TOP6BL: variants seen among roughly 807,000 people sequenced by gnomAD.
TOP6BL encodes type 2 DNA topoisomerase 6 subunit B-like.
the TOP6BL span, among the ~76,000 whole-genome samples, chr11:66,790,874 A>G: frequency 1.3e-5 from 2 of 152,182 alleles, no homozygotes; most frequent in African/African-American, 4.8e-5. Flanking sequence ...AGCATTTGGC[A>G]TACAGAGGAA....
the TOP6BL span, among the ~76,000 whole-genome samples, chr11:66,790,524 A>T: frequency 1.3e-5 from 2 of 152,190 alleles, no homozygotes; most frequent in Non-Finnish European, 2.9e-5. Flanking sequence ...GGAAGTTGTT[A>T]TCAGAGTGAT....
the TOP6BL span, among the ~76,000 whole-genome samples, chr11:66,783,804 G>A: frequency 1.7e-4 from 26 of 151,870 alleles, no homozygotes; most frequent in Admixed American, 1.3e-4. Context: ...ACAATTTGGT[G>A]GTTTTTAGTA....
At chr11:66,843,368 GGGCGGGGCGT>G in the TOP6BL span, 12 of 1,442,858 alleles carry the variant, frequency 8.3e-6, no homozygotes, top group Non-Finnish European at 1.0e-5. Context: ...GGGCGGGGCG[GGGCGGGGCGT>G]GGAGCCGCGC....
chr11:66,793,692 C>T, the TOP6BL span, among the ~76,000 whole-genome samples: 5 of 152,006 alleles, frequency 3.3e-5, no homozygotes, highest in East Asian at 1.9e-4. Flanking sequence ...GTGATCCACC[C>T]GCCTTGGCCT....
chr11:66,763,797 A>C, the TOP6BL span, among the ~76,000 whole-genome samples: 1 of 151,832 alleles, frequency 6.6e-6, no homozygotes, highest in Non-Finnish European at 1.5e-5. Context: ...TAAAGATGGG[A>C]TCTCACTTTG....
At chr11:66,786,136 A>G in the TOP6BL span, among the ~76,000 whole-genome samples, 4 of 152,124 alleles carry the variant, frequency 2.6e-5, no homozygotes, top group East Asian at 1.9e-4. Context: ...TGTCTCTACT[A>G]AAAATACAAA....
the TOP6BL span, among the ~76,000 whole-genome samples, chr11:66,792,024 A>G: frequency 5.3e-5 from 8 of 152,254 alleles, no homozygotes; most frequent in East Asian, 5.8e-4. Flanking sequence ...TGTTAGCCAG[A>G]TGGTCTCGAT....
the TOP6BL span, among the ~76,000 whole-genome samples, chr11:66,760,077 C>T: frequency 2.0e-5 from 3 of 152,066 alleles, no homozygotes; most frequent in Non-Finnish European, 2.9e-5. Flanking sequence ...TACAAAATAA[C>T]TTTTAAAAAT....
chr11:66,804,409 A>G, the TOP6BL span, among the ~76,000 whole-genome samples: 3 of 152,248 alleles, frequency 2.0e-5, no homozygotes, highest in East Asian at 5.8e-4. Flanking sequence ...ACAATCCAAT[A>G]TGACTGAAGC....
At chr11:66,802,163 AT>A in the TOP6BL span, among the ~76,000 whole-genome samples, 1,845 of 144,664 alleles carry the variant, frequency 0.013, 12 homozygotes, top group Non-Finnish European at 0.019. Context: ...TACGCTGCTA[AT>A]TTTTTTTTTT....
At chr11:66,807,392 A>G in the TOP6BL span, among the ~76,000 whole-genome samples, 1 of 152,264 alleles carries the variant, frequency 6.6e-6, no homozygotes, top group Middle Eastern at 3.4e-3. Context: ...ACCAACATGG[A>G]GAAACCCTGT....
the TOP6BL span, among the ~76,000 whole-genome samples, chr11:66,763,744 A>G: frequency 6.6e-6 from 1 of 152,136 alleles, no homozygotes; most frequent in Admixed American, 6.5e-5. Flanking sequence ...AGCTAGGGTC[A>G]CATGTGCACA....
the TOP6BL span, among the ~76,000 whole-genome samples, chr11:66,834,846 G>A: frequency 3.3e-5 from 5 of 152,094 alleles, no homozygotes; most frequent in Admixed American, 6.6e-5. Context: ...TGCACCTGGC[G>A]AGGAGTGGAT....
At chr11:66,800,621 CTT>C in the TOP6BL span, 1 of 1,577,836 alleles carries the variant, frequency 6.3e-7, no homozygotes, top group Non-Finnish European at 8.6e-7. Context: ...AAATCTCACA[CTT>C]AACTTATTGT....
chr11:66,745,161 C>T, the TOP6BL span, among the ~76,000 whole-genome samples: 1 of 152,072 alleles, frequency 6.6e-6, no homozygotes, highest in Non-Finnish European at 1.5e-5. Context: ...AAAGCTGCGG[C>T]GTTTGCCGAG....
chr11:66,779,726 G>A, the TOP6BL span, among the ~76,000 whole-genome samples: 2 of 152,022 alleles, frequency 1.3e-5, no homozygotes, highest in Admixed American at 1.3e-4. Context: ...TGTTTACTGC[G>A]GCACTATTCA....
the TOP6BL span, among the ~76,000 whole-genome samples, chr11:66,763,087 C>G: frequency 3.3e-5 from 5 of 152,248 alleles, no homozygotes; most frequent in South Asian, 1.0e-3. Flanking sequence ...ACCTGTAGTC[C>G]CAGCTACTCA....
At chr11:66,815,076 G>A in the TOP6BL span, among the ~76,000 whole-genome samples, 1 of 152,204 alleles carries the variant, frequency 6.6e-6, no homozygotes, top group Non-Finnish European at 1.5e-5. Context: ...GTATTCTGCG[G>A]CTATGACTGG....
the TOP6BL span, among the ~76,000 whole-genome samples, chr11:66,808,955 T>C: frequency 3.3e-5 from 5 of 152,264 alleles, no homozygotes; most frequent in African/African-American, 9.6e-5. Context: ...TGTGTGTGTG[T>C]GCGTGTGTGT....
Sources: gnomAD v4.1 joint callset for allele counts (sites outside exome capture counted in the v4.1 genomes callset) on GRCh38, gnomAD v4.1.1 for gene constraint, MANE v1.5 for transcripts, NCBI Gene and HGNC (gene_info 2026-07-23, HGNC 2026-07-21) for gene names.